The following CLN3 variants were observed in gnomAD, a reference collection of about 807,000 sequenced individuals.
The protein encoded by CLN3 is CLN3 lysosomal/endosomal transmembrane protein, battenin.
CLN3 carries 49 observed loss-of-function variants against 60.7 expected under a neutral mutation model. That is an observed-to-expected ratio of 0.81 (90% confidence interval 0.64 to 1.02). The LOEUF (loss-of-function observed/expected upper bound fraction) is 1.02, where lower values mean the gene tolerates loss of function less well. CLN3 is among the 50% of genes least tolerant of loss of function. CLN3 has a pLI of 0.00. For synonymous variants in CLN3, 256 were observed against 245.8 expected, an observed-to-expected ratio of 1.04 and a Z score of -0.39; for missense variants, 516 against 557.4, an observed-to-expected ratio of 0.93 and a Z score of 0.75.
chr16:28,488,863 G>T (rs1430697878), intron 4 of CLN3, among the ~76,000 whole-genome samples: 1 of 152,168 alleles, frequency 6.6e-6, no homozygotes, highest in Non-Finnish European at 1.5e-5. Flanking sequence ...ACAGGCCACA[G>T]ATGGCCCTGT....
chr16:28,485,842 T>C (rs1273468911), intron 9 of CLN3, among the ~76,000 whole-genome samples: 3 of 148,256 alleles, frequency 2.0e-5, no homozygotes, highest in Admixed American at 6.8e-5. Flanking sequence ...AAACTGAGGG[T>C]TCAGAGAGGT....
chr16:28,486,230 G>A (rs1056964699), intron 9 of CLN3, 117 bp downstream of exon 9: 23 of 1,341,824 alleles, frequency 1.7e-5, no homozygotes, highest in South Asian at 6.0e-5. Context: ...GACCTTAGGC[G>A]ATCTGCCCTC....
intron 14 of CLN3, among the ~76,000 whole-genome samples, chr16:28,481,341 TC>T (rs1207574424): frequency 6.6e-6 from 1 of 151,434 alleles, no homozygotes; most frequent in East Asian, 1.9e-4. Flanking sequence ...GCTCAAATGA[TC>T]CACCTGCCTC....
At chr16:28,477,272 T>C (rs1596618774), downstream of CLN3, 2 of 568,226 alleles carry the variant, frequency 3.5e-6, no homozygotes, top group South Asian at 4.1e-5. Flanking sequence ...AAAAACGATA[T>C]AAGAAGTCCA....
chr16:28,473,047 C>G (rs1377900622), downstream of CLN3, among the ~76,000 whole-genome samples: 2 of 152,076 alleles, frequency 1.3e-5, no homozygotes, highest in Non-Finnish European at 2.9e-5. Context: ...AAGTGATCCT[C>G]CCACTTCAGC....
chr16:28,483,629 A>G (rs2046143854), intron 10 of CLN3, among the ~76,000 whole-genome samples: 1 of 151,280 alleles, frequency 6.6e-6, no homozygotes, highest in African/African-American at 2.4e-5. Flanking sequence ...GCAGGGCCTC[A>G]GCACTTGTGA....
rs367780407 is a variant in CLN3 at position 28,477,836 on chromosome 16, G to T, written c.1098C>A (p.Gly366=). 4 of 1,614,166 alleles carry T rather than the reference G, an allele frequency of 2.5e-6. No homozygotes were observed. ...LVFLLADVWF[G]FLPSIYLVFL... is the part of the protein sequence containing the mutation. ...AGACGAGGTAGATGCTTGGCAGAAA[G>T]CCGAACCACACGTCTGCCAGCAGGA... Residue 366 remains glycine (G), a synonymous_variant, in exon 15 of 16, where the codon GGC becomes GGA. Coordinates refer to ENST00000636147, the MANE Select transcript of CLN3 (RefSeq NM_001042432.2).
chr16:28,487,723 T>A lies in CLN3; in HGVS notation c.313A>T (p.Ile105Phe), dbSNP rs11552531. ...AATTTGATGACGAGTGTGGGGAGGA[T>A]GTCCGCCAGGAGCACAGCCTGGGAC... ...VSTAAVLLAD[I>F]LPTLVIKLLA... Residue 105 changes from isoleucine (I) to phenylalanine (F), a missense_variant, in exon 6 of 16, where the codon ATC (isoleucine) becomes TTC (phenylalanine). Physicochemically the swap from Ile to Phe is conservative, Grantham distance 21 (BLOSUM62 0). Transcript: ENST00000636147. The A allele has an allele frequency of 1.9e-6, 3 of 1,613,538 alleles. No homozygotes were observed. Among genetic ancestry groups the A allele is most frequent in the Non-Finnish European group, 2.5e-6 (3 of 1,179,858 alleles).
At chr16:28,482,064 G>A (rs1475079733) in intron 14 of CLN3, 41 bp downstream of exon 14, 1 of 1,511,218 alleles carries the variant, frequency 6.6e-7, no homozygotes, top group Non-Finnish European at 9.1e-7. Context: ...GCCAAGCTGG[G>A]AGCCAAGGTG....
chr16:28,486,388 G>A lies in CLN3; in HGVS notation c.636C>T (p.Thr212=), dbSNP rs1267314028. 6.2e-7 allele frequency: 1 copy of A among 1,613,160 alleles called. No homozygotes were observed. The highest frequency in any genetic ancestry group is 1.3e-5 in the African/African-American group (1 of 75,040). ...LTQAGLSPQQ[T]LLSMLGIPAL... Reference sequence around the variant, plus strand: ...CAGGGATACCCAGCATGGACAGCAGGGTCTGCTGAGGGGAGAGGCCGGCCT... The same window carrying A: ...CAGGGATACCCAGCATGGACAGCAGAGTCTGCTGAGGGGAGAGGCCGGCCT... The change falls in exon 9 of 16, where the codon ACC becomes ACT. Residue 212 remains threonine (T), a synonymous_variant. Transcript: ENST00000636147.
chr16:28,487,315 G>A (rs1039065877), intron 7 of CLN3, 141 bp downstream of exon 7: 13 of 743,828 alleles, frequency 1.7e-5, no homozygotes, highest in African/African-American at 1.0e-4. Flanking sequence ...GTCTCCCATC[G>A]CCTACTGCTG....
intron 10 of CLN3, among the ~76,000 whole-genome samples, chr16:28,483,174 G>GA (rs779355016): frequency 3.3e-5 from 5 of 152,100 alleles, no homozygotes; most frequent in Non-Finnish European, 7.4e-5. Context: ...TTATCATGAT[G>GA]AAAATAAAAG....
intron 14 of CLN3, 125 bp downstream of exon 14, chr16:28,481,980 C>CT: frequency 1.5e-6 from 1 of 668,234 alleles, no homozygotes; most frequent in Non-Finnish European, 2.5e-6. Context: ...GAGCGAGACT[C>CT]TGTCTCAAAA....
chr16:28,482,996 C>T (rs1243535628), intron 10 of CLN3, among the ~76,000 whole-genome samples: 7 of 151,658 alleles, frequency 4.6e-5, no homozygotes, highest in African/African-American at 7.3e-5. Flanking sequence ...CCCAGCTACT[C>T]GGGTGGCTGA....
intron 14 of CLN3, chr16:28,479,711 G>A: frequency 5.3e-6 from 1 of 187,912 alleles, no homozygotes; most frequent in Non-Finnish European, 1.2e-5. Context: ...AGGGGTTGCA[G>A]TGAGCCAAGA....
chr16:28,487,896 T>C (rs2046248544), intron 5 of CLN3, 155 bp from the exon 6 acceptor site: 1 of 673,934 alleles, frequency 1.5e-6, no homozygotes, highest in African/African-American at 1.8e-5. Flanking sequence ...GCTCTCCCAC[T>C]CCTTAGTTGT....
At chr16:28,491,637 C>T in intron 2 of CLN3, 77 bp from the exon 3 acceptor site, 1 of 1,613,628 alleles carries the variant, frequency 6.2e-7, no homozygotes, top group South Asian at 1.1e-5. Context: ...CTCCCGGGGC[C>T]GAGTCAGCTC....
intron 10 of CLN3, 57 bp from the exon 11 acceptor site, chr16:28,482,729 A>G: frequency 6.3e-7 from 1 of 1,580,156 alleles, no homozygotes; most frequent in Non-Finnish European, 8.7e-7. Flanking sequence ...AGACTCGGCA[A>G]AGAGGCACCG....
chr16:28,474,087 G>C (rs2045972610), downstream of CLN3: 1 of 152,240 alleles, frequency 6.6e-6, no homozygotes, highest in Non-Finnish European at 1.5e-5. Flanking sequence ...GGCCAACATG[G>C]CGAAACCTCG....
Sources: allele counts gnomAD v4.1 joint callset (sites outside exome capture counted in the v4.1 genomes callset), GRCh38; gene constraint gnomAD v4.1.1; transcripts MANE v1.5; gene names NCBI Gene and HGNC (gene_info 2026-07-23, HGNC 2026-07-21).